NRCAM: variants seen among roughly 807,000 people sequenced by gnomAD.
NRCAM encodes the protein NgCAM-related cell adhesion molecule.
NRCAM carries 83 observed loss-of-function variants against 156.5 expected under a neutral mutation model. The ratio of observed to expected loss-of-function variants is 0.53; its 90% confidence interval spans 0.44 to 0.64. NRCAM has a LOEUF of 0.64. Ranked by LOEUF, NRCAM falls within the 30% of genes least tolerant of loss-of-function variation. NRCAM has a pLI of 0.00. For synonymous variants in NRCAM, 538 were observed against 563.9 expected, an observed-to-expected ratio of 0.95 and a Z score of 0.65; for missense variants, 1,417 against 1,597.3, an observed-to-expected ratio of 0.89 and a Z score of 1.92.
chr7:108,404,602 T>C (rs117121543), intron 1 of NRCAM, among the ~76,000 whole-genome samples: 2,221 of 152,280 alleles, frequency 0.015, 39 homozygotes, highest in Admixed American at 0.048. Flanking sequence ...GCAGGCAAAA[T>C]GACCACATAG....
intron 3 of NRCAM, among the ~76,000 whole-genome samples, chr7:108,306,914 C>A (rs1460151866): frequency 6.6e-6 from 1 of 152,104 alleles, no homozygotes; most frequent in Non-Finnish European, 1.5e-5. Flanking sequence ...AGTTTTATTT[C>A]TTTACAAAAC....
At chr7:108,422,659 C>A (rs907117695) in intron 1 of NRCAM, among the ~76,000 whole-genome samples, 1 of 151,652 alleles carries the variant, frequency 6.6e-6, no homozygotes, top group African/African-American at 2.4e-5. Flanking sequence ...AAGCTGAGGA[C>A]TGAAGTGAAT....
At chr7:108,450,441 G>A (rs931485277) in intron 1 of NRCAM, among the ~76,000 whole-genome samples, 2 of 152,100 alleles carry the variant, frequency 1.3e-5, no homozygotes, top group Non-Finnish European at 2.9e-5. Flanking sequence ...GGTGGTGAAG[G>A]TTTATGCTGT....
intron 3 of NRCAM, among the ~76,000 whole-genome samples, chr7:108,307,284 C>T (rs1434551534): frequency 2.0e-5 from 3 of 152,266 alleles, no homozygotes; most frequent in Non-Finnish European, 2.9e-5. Context: ...CATTAATCAA[C>T]ACATTCAAGG....
chr7:108,174,497 C>A (rs1182032088), intron 28 of NRCAM, among the ~76,000 whole-genome samples: 1 of 152,238 alleles, frequency 6.6e-6, no homozygotes, highest in Non-Finnish European at 1.5e-5. Flanking sequence ...GTGGCAGGTA[C>A]TCCACTGCTC....
intron 30 of NRCAM, among the ~76,000 whole-genome samples, chr7:108,165,375 A>G (rs1280127410): frequency 1.3e-5 from 2 of 152,204 alleles, no homozygotes; most frequent in Non-Finnish European, 2.9e-5. Flanking sequence ...AATGGTGCCT[A>G]CATCATAGGA....
At chr7:108,183,061 G>A in intron 22 of NRCAM, 141 bp from the exon 23 acceptor site, 1 of 694,060 alleles carries the variant, frequency 1.4e-6, no homozygotes, top group Non-Finnish European at 2.4e-6. Flanking sequence ...ATTTTCTCCA[G>A]GGACCTTCTA....
chr7:108,213,067 T>C (rs2085597347), intron 11 of NRCAM, among the ~76,000 whole-genome samples: 1 of 152,162 alleles, frequency 6.6e-6, no homozygotes, highest in Non-Finnish European at 1.5e-5. Context: ...TCCTACAAGC[T>C]AGAAGGGATT....
rs376523614 is a variant in NRCAM at position 108,409,993 on chromosome 7, T to C, written c.-331-10400A>G. On this transcript the variant is annotated intron_variant, in intron 1 of 32. Coordinates refer to ENST00000379028, the MANE Select transcript of NRCAM (RefSeq NM_001037132.4). Reference sequence around the variant, plus strand: ...AAATATGTGTCTCACCTTTGACTTATTCCTGCCACCACCTTGTTTGTTTTT... The same window carrying C: ...AAATATGTGTCTCACCTTTGACTTACTCCTGCCACCACCTTGTTTGTTTTT... Among the ~76,000 whole-genome samples the C allele has an allele frequency of 5.3e-4, 80 of 152,334 alleles. 3 individuals carry two copies. In the East Asian group the frequency reaches 0.012, roughly 23 times the overall value.
chr7:108,160,323 T>A, intron 31 of NRCAM, 38 bp downstream of exon 31: 2 of 1,572,438 alleles, frequency 1.3e-6, no homozygotes, highest in South Asian at 2.2e-5. Context: ...TGGATTATTA[T>A]GTAGCATTAT....
In NRCAM at chr7:108,381,549, A is replaced by T. The variant is rs576626031; in HGVS notation, c.-174+17887T>A. On this transcript the variant is annotated intron_variant, in intron 2 of 32. Coordinates refer to ENST00000379028, the MANE Select transcript of NRCAM (RefSeq NM_001037132.4). ...GCTGGTCTTAACATTGGCTTTGACC[A>T]TTTTTTTTTTTCTTTTTTTTTTTTT... is the stretch of plus-strand genomic sequence containing the variant. Among the ~76,000 whole-genome samples the T allele has an allele frequency of 3.8e-3, 511 of 134,126 alleles. 3 individuals are homozygous for T. The highest frequency in any genetic ancestry group is 0.013 in the African/African-American group (453 of 36,218). The allele number at this position is 134,126 out of a possible 152,430, so 88.0% of individuals were successfully genotyped here. A position where few individuals can be genotyped will look rare whatever the true frequency, so the allele number is the denominator to read the frequency against.
intron 3 of NRCAM, among the ~76,000 whole-genome samples, chr7:108,246,219 T>C (rs1044010150): frequency 2.6e-4 from 39 of 152,160 alleles, no homozygotes; most frequent in African/African-American, 9.4e-4. Context: ...ACTGCTCCAC[T>C]CTGAATGCCT....
intron 2 of NRCAM, among the ~76,000 whole-genome samples, chr7:108,344,539 C>T (rs979315373): frequency 2.6e-5 from 4 of 152,058 alleles, no homozygotes; most frequent in African/African-American, 9.7e-5. Context: ...CTGGTTAACA[C>T]GTCTAATATT....
intron 1 of NRCAM, among the ~76,000 whole-genome samples, chr7:108,449,792 A>T (rs1356560508): frequency 6.6e-6 from 1 of 152,194 alleles, no homozygotes; most frequent in Admixed American, 6.5e-5. Context: ...CTGAATACTC[A>T]TACTGAATTT....
chr7:108,242,258 CAAAAAAAAA>C (rs11413420), intron 3 of NRCAM, among the ~76,000 whole-genome samples: 64 of 98,500 alleles, frequency 6.5e-4, no homozygotes, highest in African/African-American at 2.6e-3. Flanking sequence ...GACCCCGTCT[CAAAAAAAAA>C]AAAAAAAAAA....
At chr7:108,435,301 G>A (rs909990761) in intron 1 of NRCAM, among the ~76,000 whole-genome samples, 4 of 152,054 alleles carry the variant, frequency 2.6e-5, no homozygotes, top group African/African-American at 9.7e-5. Flanking sequence ...AATTTGAGAA[G>A]GCAGAAGAAG....
At chr7:108,318,267 G>A (rs888037775) in intron 2 of NRCAM, among the ~76,000 whole-genome samples, 3 of 151,700 alleles carry the variant, frequency 2.0e-5, no homozygotes, top group African/African-American at 7.3e-5. Context: ...GGATGGTCTC[G>A]ATCTCCTGAC....
At chr7:108,156,260 AT>A in intron 32 of NRCAM, 1 of 982,020 alleles carries the variant, frequency 1.0e-6, no homozygotes, top group Non-Finnish European at 1.2e-6. Flanking sequence ...GAATGACAAG[AT>A]TCATGTGGCA....
chr7:108,395,918 A>G (rs1238595906), intron 2 of NRCAM, among the ~76,000 whole-genome samples: 1 of 152,158 alleles, frequency 6.6e-6, no homozygotes, highest in Non-Finnish European at 1.5e-5. Flanking sequence ...CCATCATACC[A>G]TCTTGTGTTC....
Sources: allele counts gnomAD v4.1 joint callset (sites outside exome capture counted in the v4.1 genomes callset), GRCh38; gene constraint gnomAD v4.1.1; transcripts MANE v1.5; gene names NCBI Gene and HGNC (gene_info 2026-07-23, HGNC 2026-07-21).